Variants in LRRIQ1 observed in about 807,000 individuals in gnomAD.
LRRIQ1 encodes the protein leucine-rich repeat- and IQ domain-containing protein 1.
LRRIQ1 carries 210 observed loss-of-function variants against 211.9 expected under a neutral mutation model. The observed-to-expected ratio is 0.99, with a 90% CI of 0.89 to 1.11. The LOEUF (loss-of-function observed/expected upper bound fraction) is 1.11, where lower values mean the gene tolerates loss of function less well. Ranked by LOEUF, LRRIQ1 falls within the 50% of genes most tolerant of loss-of-function variation. The probability of loss-of-function intolerance (pLI) is 0.00; values close to 1 mark genes in which losing one functional copy is unlikely to be tolerated. For synonymous variants in LRRIQ1, 699 were observed against 650.1 expected (o/e 1.08, Z -1.14); for missense variants, 2,136 against 1,939.5 (o/e 1.10, Z -1.90).
At chr12:85,173,087 G>A (rs1891498948) in intron 24 of LRRIQ1, among the ~76,000 whole-genome samples, 2 of 152,180 alleles carry the variant, frequency 1.3e-5, no homozygotes, top group East Asian at 1.9e-4. Context: ...CTAGCCTGGT[G>A]ACAAAGCAAG....
chr12:85,044,160 A>G (rs1312839057), intron 3 of LRRIQ1, among the ~76,000 whole-genome samples: 10 of 152,050 alleles, frequency 6.6e-5, no homozygotes, highest in Admixed American at 1.3e-4. Context: ...TTAGTTTGCT[A>G]TTAGGAAACA....
chr12:85,264,245 A>G (rs755077872), exon 2 of LRRIQ1: 2 of 152,036 alleles, frequency 1.3e-5, no homozygotes, highest in Non-Finnish European at 2.9e-5. Flanking sequence ...CTGTCAATCA[A>G]TAAAGAAGAT....
intron 18 of LRRIQ1, 132 bp from the exon 19 acceptor site, chr12:85,137,718 G>T: frequency 4.5e-6 from 3 of 667,988 alleles, no homozygotes; most frequent in Middle Eastern, 3.2e-4. Flanking sequence ...GTCACATAAA[G>T]TTCAGAAAAC....
At chr12:85,099,668 CA>C (rs1471760079) in intron 13 of LRRIQ1, among the ~76,000 whole-genome samples, 1 of 151,722 alleles carries the variant, frequency 6.6e-6, no homozygotes, top group Non-Finnish European at 1.5e-5. Flanking sequence ...ATCAAAGGCA[CA>C]AGGAGTAGGG....
In LRRIQ1 at chr12:85,103,005, A is replaced by G. The variant is rs151044451; in HGVS notation, c.3210-999A>G. Among the ~76,000 whole-genome samples, 558 of 138,228 alleles carry G rather than the reference A, an allele frequency of 4.0e-3. 1 individual carries two copies. Among genetic ancestry groups the G allele is most frequent in the African/African-American group, 0.015 (533 of 36,550 alleles). 90.7% of individuals were successfully genotyped at this position (138,228 alleles called of 152,430 possible). On this transcript the variant is annotated intron_variant, in intron 13 of 26. Transcript: ENST00000393217. Reference sequence around the variant, plus strand: ...ATATATATTTTACTAAGGAGTTTTTATCTTGCTTAAAGATTCAGATGAGCT... The same window carrying G: ...ATATATATTTTACTAAGGAGTTTTTGTCTTGCTTAAAGATTCAGATGAGCT...
intron 19 of LRRIQ1, among the ~76,000 whole-genome samples, chr12:85,143,366 A>G (rs1889674048): frequency 6.6e-6 from 1 of 151,654 alleles, no homozygotes; most frequent in Non-Finnish European, 1.5e-5. Flanking sequence ...ACCTCTTATC[A>G]GATATATGAT....
In LRRIQ1 at chr12:85,143,901, A is replaced by G. The variant is rs186696789; in HGVS notation, c.4329+5932A>G. ...GAGGTGTGTCCCTGTATTGAGCCAGAACTGAAATCTTTTTAAAATTTTTAA... is the reference window on the plus strand; with the variant it reads ...GAGGTGTGTCCCTGTATTGAGCCAGGACTGAAATCTTTTTAAAATTTTTAA... On this transcript the variant is annotated intron_variant, in intron 19 of 26. Transcript: ENST00000393217. 2.6e-5 allele frequency among the ~76,000 whole-genome samples: 4 copies of G among 151,730 alleles called. No individual in the cohort carries two copies. The East Asian group carries it at 7.8e-4, about 30-fold the overall frequency.
chr12:85,069,824 A>C (rs1195383636), intron 10 of LRRIQ1, among the ~76,000 whole-genome samples: 1 of 151,930 alleles, frequency 6.6e-6, no homozygotes, highest in Non-Finnish European at 1.5e-5. Context: ...AGTTCATTGT[A>C]GATTCTGGAT....
chr12:85,047,268 G>T lies in LRRIQ1; in HGVS notation c.476G>T (p.Gly159Val). ...VLPDDADINF[G>V]YCEVEEKCRQ... ...GCAGATGATGCTGATATAAATTTTG[G>T]ATACTGTGAAGTGGAAGAAAAATGT... The change falls in exon 6 of 27, where the codon GGA (glycine) becomes GTA (valine). Residue 159 changes from glycine (G) to valine (V), a missense_variant. By Grantham distance (109) the Gly-to-Val change is moderately radical. Coordinates refer to ENST00000393217, the MANE Select transcript of LRRIQ1 (RefSeq NM_001079910.2). The T allele has an allele frequency of 6.3e-7, 1 of 1,593,208 alleles. No homozygotes were observed. Among genetic ancestry groups the T allele is most frequent in the Non-Finnish European group, 8.5e-7 (1 of 1,174,508 alleles).
chr12:85,269,165 G>A (rs1265337277), downstream of LRRIQ1, among the ~76,000 whole-genome samples: 1 of 151,860 alleles, frequency 6.6e-6, no homozygotes, highest in Non-Finnish European at 1.5e-5. Flanking sequence ...GTGAGATACC[G>A]GAAATTAGTG....
chr12:85,239,576 A>C (rs1038394740), intron 26 of LRRIQ1, among the ~76,000 whole-genome samples: 1 of 152,086 alleles, frequency 6.6e-6, no homozygotes, highest in African/African-American at 2.4e-5. Flanking sequence ...ATAGTGCTGG[A>C]CAACTAGATA....
At chr12:85,152,971 A>T in intron 20 of LRRIQ1, 53 bp from the exon 21 acceptor site, 1 of 1,362,532 alleles carries the variant, frequency 7.3e-7, no homozygotes. Flanking sequence ...ATACAACATA[A>T]ATGCTAGGAT....
intron 24 of LRRIQ1, among the ~76,000 whole-genome samples, chr12:85,189,448 G>C (rs892378921): frequency 6.6e-6 from 1 of 151,598 alleles, no homozygotes. Flanking sequence ...GTAAAGGTAG[G>C]GAAAAACAAA....
chr12:85,132,047 C>T (rs914855968), intron 18 of LRRIQ1, among the ~76,000 whole-genome samples: 7 of 152,110 alleles, frequency 4.6e-5, no homozygotes, highest in Admixed American at 4.6e-4. Flanking sequence ...CACCAGAAAA[C>T]ACACATGCTA....
chr12:85,088,461 A>G (rs1284547372), intron 11 of LRRIQ1, among the ~76,000 whole-genome samples: 1 of 152,118 alleles, frequency 6.6e-6, no homozygotes, highest in Non-Finnish European at 1.5e-5. Flanking sequence ...ACTTTAAAGT[A>G]GTTTTTTCCA....
chr12:85,184,451 A>G (rs1892135701), intron 24 of LRRIQ1, among the ~76,000 whole-genome samples: 1 of 152,066 alleles, frequency 6.6e-6, no homozygotes, highest in Non-Finnish European at 1.5e-5. Flanking sequence ...AAACTTATAC[A>G]TATAGATGTG....
At chr12:85,200,223 G>T (rs1358587490) in intron 24 of LRRIQ1, among the ~76,000 whole-genome samples, 12 of 152,094 alleles carry the variant, frequency 7.9e-5, no homozygotes, top group South Asian at 2.1e-4. Context: ...TATTCTTTTT[G>T]TGCCCATTGT....
At chr12:85,143,294 C>T (rs1024104426) in intron 19 of LRRIQ1, among the ~76,000 whole-genome samples, 5 of 151,378 alleles carry the variant, frequency 3.3e-5, no homozygotes, top group African/African-American at 1.2e-4. Flanking sequence ...TGCTCATTTC[C>T]AGTTGATTGA....
chr12:85,160,244 T>A (rs1385674096), intron 23 of LRRIQ1, among the ~76,000 whole-genome samples: 1 of 151,980 alleles, frequency 6.6e-6, no homozygotes, highest in Admixed American at 6.6e-5. Context: ...TATCTGAAAA[T>A]ACATTAGGGC....
Sources: gnomAD v4.1 joint callset for allele counts (sites outside exome capture counted in the v4.1 genomes callset) on GRCh38, gnomAD v4.1.1 for gene constraint, MANE v1.5 for transcripts, NCBI Gene and HGNC (gene_info 2026-07-23, HGNC 2026-07-21) for gene names.